The following CDH10 variants were observed in gnomAD, a reference collection of about 807,000 sequenced individuals.
The protein encoded by CDH10 is cadherin 10.
In CDH10, 30 loss-of-function variants were observed where a neutral mutation model predicts 73.1. That is an observed-to-expected ratio of 0.41 (90% CI 0.31 to 0.56). The LOEUF (loss-of-function observed/expected upper bound fraction) is 0.56, where lower values mean the gene tolerates loss of function less well. Among genes scored for constraint, CDH10 ranks in the 20% least tolerant of loss-of-function variants. The probability of loss-of-function intolerance (pLI) is 0.27; values close to 1 mark genes in which losing one functional copy is unlikely to be tolerated. For synonymous variants in CDH10, 345 were observed against 348.2 expected, an observed-to-expected ratio of 0.99 and a Z score of 0.10; for missense variants, 815 against 973.7, an observed-to-expected ratio of 0.84 and a Z score of 2.17.
chr5:24,631,225 G>A (rs988765), intron 1 of CDH10, among the ~76,000 whole-genome samples: 136,497 of 152,128 alleles, frequency 0.9, 61,533 homozygotes, highest in East Asian at 1. Flanking sequence ...ATCAACTTTA[G>A]TTCTTATAAT....
chr5:24,554,779 T>C (rs1432009885), intron 2 of CDH10, among the ~76,000 whole-genome samples: 1 of 152,122 alleles, frequency 6.6e-6, no homozygotes, highest in Non-Finnish European at 1.5e-5. Flanking sequence ...ATAATAATTA[T>C]AGAAATTGCA....
rs62351354 is a variant in CDH10 at position 24,487,589 on chromosome 5, T to C, written c.*74A>G. 835 of 1,423,358 alleles carry C rather than the reference T, an allele frequency of 5.9e-4. No homozygotes were observed. Among genetic ancestry groups the C allele is most frequent in the Non-Finnish European group, 7.3e-4 (763 of 1,050,464 alleles). 88.2% of individuals were successfully genotyped at this position (1,423,358 alleles called of 1,614,324 possible). A position where few individuals can be genotyped will look rare whatever the true frequency, so the allele number is the denominator to read the frequency against. On this transcript the variant is annotated 3_prime_UTR_variant, in exon 12 of 12. Coordinates refer to ENST00000264463, the MANE Select transcript of CDH10 (RefSeq NM_006727.5). The stretch of plus-strand genomic sequence containing the variant: ...TGACTGGCAGGAAAATGCTCCTGAA[T>C]ATCAAATATTGTGAAGTGGAGACAG...
intron 5 of CDH10, among the ~76,000 whole-genome samples, chr5:24,534,386 C>A (rs535478857): frequency 3.0e-4 from 46 of 152,066 alleles, no homozygotes; most frequent in Middle Eastern, 3.4e-3. Flanking sequence ...TTGGGAGTGT[C>A]CATTGAGACT....
rs557963006 is a variant in CDH10, at chr5:24,583,286, C to T, written c.231+9974G>A. Reference sequence around the variant, plus strand: ...ATGTTTCCAAAAACAAGATAACACACGTCTTTACATGTTTCTCTTGGAATA... The same window carrying T: ...ATGTTTCCAAAAACAAGATAACACATGTCTTTACATGTTTCTCTTGGAATA... On this transcript the variant is annotated intron_variant, in intron 2 of 11. Coordinates refer to ENST00000264463, the MANE Select transcript of CDH10 (RefSeq NM_006727.5). Among the ~76,000 whole-genome samples the T allele has an allele frequency of 4.7e-5, 7 of 149,640 alleles. No individual in the cohort carries two copies. In the East Asian group the frequency reaches 7.8e-4, roughly 17 times the overall value.
chr5:24,610,902 T>C (rs1579469338), intron 1 of CDH10, among the ~76,000 whole-genome samples: 2 of 152,306 alleles, frequency 1.3e-5, no homozygotes, highest in African/African-American at 4.8e-5. Context: ...CAAGGTACAA[T>C]ATGTAGTGAG....
chr5:24,624,662 C>T (rs1747430767), intron 1 of CDH10, among the ~76,000 whole-genome samples: 1 of 152,072 alleles, frequency 6.6e-6, no homozygotes, highest in Non-Finnish European at 1.5e-5. Context: ...AGAACCAATT[C>T]TTCTAAGTGC....
intron 2 of CDH10, among the ~76,000 whole-genome samples, chr5:24,543,688 G>T (rs1744235999): frequency 6.6e-6 from 1 of 152,012 alleles, no homozygotes. Flanking sequence ...CTTTAAATTT[G>T]CACCCAACAA....
intron 2 of CDH10, among the ~76,000 whole-genome samples, chr5:24,541,559 G>A (rs12652231): frequency 0.36 from 54,547 of 151,770 alleles, 11,974 homozygotes; most frequent in East Asian, 0.58. Flanking sequence ...GGATCAATGG[G>A]TCACACGCCA....
chr5:24,535,643 T>C (rs1439878823), intron 4 of CDH10, 60 bp downstream of exon 4: 3 of 1,490,530 alleles, frequency 2.0e-6, no homozygotes, highest in African/African-American at 2.8e-5. Flanking sequence ...CCATGGTCTT[T>C]CTACTGATAA....
intron 1 of CDH10, among the ~76,000 whole-genome samples, chr5:24,595,639 A>G (rs1746347539): frequency 6.6e-6 from 1 of 152,032 alleles, no homozygotes; most frequent in East Asian, 1.9e-4. Context: ...TATTCTCCAG[A>G]AATGTACTCT....
At chr5:24,594,798 T>C (rs1231274556) in intron 1 of CDH10, among the ~76,000 whole-genome samples, 1 of 152,010 alleles carries the variant, frequency 6.6e-6, no homozygotes, top group African/African-American at 2.4e-5. Flanking sequence ...TTTATTTATT[T>C]ATTTATTTAT....
chr5:24,559,730 T>C (rs528192106), intron 2 of CDH10, among the ~76,000 whole-genome samples: 206 of 152,178 alleles, frequency 1.4e-3, no homozygotes, highest in Non-Finnish European at 2.5e-3. Flanking sequence ...AATGATGCTT[T>C]GAAAGAAAAG....
chr5:24,537,125 A>C (rs1289815397), intron 3 of CDH10, among the ~76,000 whole-genome samples: 1 of 151,954 alleles, frequency 6.6e-6, no homozygotes, highest in East Asian at 1.9e-4. Flanking sequence ...TTTCTACTGA[A>C]GTTCAATGAT....
At chr5:24,640,616 T>C (rs893455184) in intron 1 of CDH10, among the ~76,000 whole-genome samples, 4 of 151,802 alleles carry the variant, frequency 2.6e-5, no homozygotes, top group Non-Finnish European at 5.9e-5. Context: ...TCTCTAAGGA[T>C]ACGAAACCCT....
chr5:24,608,588 G>A (rs540671045), intron 1 of CDH10, among the ~76,000 whole-genome samples: 17 of 152,128 alleles, frequency 1.1e-4, no homozygotes, highest in Non-Finnish European at 2.4e-4. Context: ...ACCGCACCTG[G>A]CCTACATTCT....
intron 1 of CDH10, among the ~76,000 whole-genome samples, chr5:24,640,618 C>T (rs1014602344): frequency 6.6e-6 from 1 of 151,480 alleles, no homozygotes; most frequent in African/African-American, 2.4e-5. Context: ...TCTAAGGATA[C>T]GAAACCCTTT....
intron 2 of CDH10, among the ~76,000 whole-genome samples, chr5:24,578,083 A>T (rs1297483998): frequency 2.0e-5 from 3 of 152,160 alleles, no homozygotes; most frequent in Non-Finnish European, 4.4e-5. Context: ...GACACTTTCC[A>T]TTGTCCCTTC....
intron 5 of CDH10, 53 bp from the exon 6 acceptor site, chr5:24,511,567 G>T (rs954741419): frequency 1.3e-6 from 1 of 798,462 alleles, no homozygotes. Context: ...GAGAGAGAGA[G>T]AGAGAGAGAG....
intron 8 of CDH10, among the ~76,000 whole-genome samples, chr5:24,501,603 T>C (rs1742497302): frequency 6.6e-6 from 1 of 152,184 alleles, no homozygotes; most frequent in Non-Finnish European, 1.5e-5. Flanking sequence ...GCCATGACGA[T>C]GCATCCATGG....
Sources: gnomAD v4.1 joint callset for allele counts (sites outside exome capture counted in the v4.1 genomes callset) on GRCh38, gnomAD v4.1.1 for gene constraint, MANE v1.5 for transcripts, NCBI Gene and HGNC (gene_info 2026-07-23, HGNC 2026-07-21) for gene names.